ROS1: variants seen among roughly 807,000 people sequenced by gnomAD.
ROS1 encodes ROS proto-oncogene 1, receptor tyrosine kinase.
Under a neutral mutation model 273.5 loss-of-function variants are expected in ROS1, and 263 were observed. That is an observed-to-expected ratio of 0.96 (90% CI 0.87 to 1.06). ROS1 has a LOEUF of 1.06. ROS1 is among the 50% of genes least tolerant of loss of function. The probability of loss-of-function intolerance (pLI) is 0.00; values close to 1 mark genes in which losing one functional copy is unlikely to be tolerated. For missense variants in ROS1, 2,833 were observed against 2,751.1 expected, an observed-to-expected ratio of 1.03 and a Z score of -0.67; for synonymous variants, 1,008 against 954.1, an observed-to-expected ratio of 1.06 and a Z score of -1.04.
chr6:117,320,183 T>G (rs933253923), intron 36 of ROS1, among the ~76,000 whole-genome samples, 153 bp from the exon 37 acceptor site: 7 of 152,166 alleles, frequency 4.6e-5, no homozygotes, highest in South Asian at 2.1e-4. Context: ...TGTGGAACTT[T>G]GGGTTCCTAA....
At chr6:117,401,528 A>C (rs1276288228) in intron 7 of ROS1, among the ~76,000 whole-genome samples, 1 of 151,558 alleles carries the variant, frequency 6.6e-6, no homozygotes, top group East Asian at 2.0e-4. Flanking sequence ...TTTTTGTTTT[A>C]TCTTTTATTG....
chr6:117,394,449 AGAAG>A, intron 10 of ROS1, 103 bp from the exon 11 acceptor site: 2 of 855,126 alleles, frequency 2.3e-6, no homozygotes, highest in Non-Finnish European at 3.2e-6. Context: ...AAATTAAAAT[AGAAG>A]TATTTTATTT....
rs752594441 is a variant in ROS1, at chr6:117,394,044, C to A, written c.1191+118G>T. The A allele has an allele frequency of 5.1e-6, 3 of 583,932 alleles. No homozygotes were observed. In the South Asian group the frequency reaches 1.0e-4, roughly 20 times the overall value. The allele number at this position is 583,932 out of a possible 1,614,324, so 36.2% of individuals were successfully genotyped here. A position where few individuals can be genotyped will look rare whatever the true frequency, so the allele number is the denominator to read the frequency against. On this transcript the variant is annotated intron_variant, in intron 11 of 43. Coordinates refer to ENST00000368507, the MANE Select transcript of ROS1 (RefSeq NM_001378902.1). ...TTCATTGATAACCTAGTATCTAAGG[C>A]ATAGTAAATACTTGAGTATGTATTG... is the stretch of plus-strand genomic sequence containing the variant.
rs1226906628 is a variant in ROS1 at position 117,288,408 on chromosome 6, C to T, written c.*84G>A. On this transcript the variant is annotated 3_prime_UTR_variant, in exon 44 of 44. Coordinates refer to ENST00000368507, the MANE Select transcript of ROS1 (RefSeq NM_001378902.1). ...TATTTGGAGTTATAGACCACCATGA[C>T]ATTTATCATTCTAGCAGAGTTTTCT... The T allele has an allele frequency of 8.6e-7, 1 of 1,167,354 alleles. No individual in the cohort carries two copies. Among genetic ancestry groups the T allele is most frequent in the Non-Finnish European group, 1.2e-6 (1 of 817,038 alleles). 72.3% of individuals were successfully genotyped at this position (1,167,354 alleles called of 1,614,324 possible).
intron 7 of ROS1, among the ~76,000 whole-genome samples, chr6:117,399,821 T>C (rs556615889): frequency 3.8e-4 from 58 of 152,336 alleles, no homozygotes; most frequent in African/African-American, 1.3e-3. Context: ...CTTAAAATAA[T>C]ATAGTAACCT....
chr6:117,412,601 T>C (rs1775003081), intron 4 of ROS1, among the ~76,000 whole-genome samples: 1 of 101,850 alleles, frequency 9.8e-6, no homozygotes, highest in Non-Finnish European at 1.9e-5. Flanking sequence ...CATAGATAGA[T>C]AGACAGATAG....
chr6:117,417,544 G>C (rs977349500), intron 2 of ROS1, among the ~76,000 whole-genome samples: 1 of 152,114 alleles, frequency 6.6e-6, no homozygotes, highest in African/African-American at 2.4e-5. Flanking sequence ...AACTCTGTAT[G>C]TCTTTCCAAC....
intron 29 of ROS1, 29 bp downstream of exon 29, chr6:117,342,371 G>C (rs1778005324): frequency 6.2e-7 from 1 of 1,602,012 alleles, no homozygotes; most frequent in Non-Finnish European, 8.5e-7. Context: ...TATTCTGCTT[G>C]AGAAACCCAC....
intron 27 of ROS1, among the ~76,000 whole-genome samples, chr6:117,346,819 A>G (rs1162214790): frequency 6.6e-6 from 1 of 152,092 alleles, no homozygotes; most frequent in Non-Finnish European, 1.5e-5. Context: ...GTTTGGACAA[A>G]TGTGTAATGA....
At chr6:117,377,350 A>G (rs1781419518) in intron 18 of ROS1, among the ~76,000 whole-genome samples, 13 of 152,086 alleles carry the variant, frequency 8.5e-5, no homozygotes, top group Admixed American at 8.5e-4. Context: ...ACCTTAGGCT[A>G]TCCACCCATG....
intron 32 of ROS1, among the ~76,000 whole-genome samples, chr6:117,336,404 T>C (rs150097079): frequency 0.024 from 3,630 of 152,188 alleles, 95 homozygotes; most frequent in African/African-American, 0.059. Flanking sequence ...CTCCCACTTG[T>C]AAGTGAGAAC....
intron 7 of ROS1, 81 bp from the exon 8 acceptor site, chr6:117,397,197 T>G (rs1773566886): frequency 5.7e-6 from 4 of 707,298 alleles, no homozygotes; most frequent in Non-Finnish European, 8.8e-6. Context: ...AAAAGTCTTG[T>G]TTTTTTTTTT....
intron 35 of ROS1, among the ~76,000 whole-genome samples, chr6:117,321,706 C>T (rs370493541): frequency 8.3e-4 from 126 of 151,966 alleles, no homozygotes; most frequent in African/African-American, 2.8e-3. Context: ...CAAAATCACC[C>T]ATAAACGAGT....
At chr6:117,381,641 A>G (rs1441030370) in intron 17 of ROS1, among the ~76,000 whole-genome samples, 2 of 152,054 alleles carry the variant, frequency 1.3e-5, no homozygotes, top group Non-Finnish European at 2.9e-5. Flanking sequence ...CCATCCACTA[A>G]TCAGTTGATG....
At chr6:117,421,437 A>T (rs1775749361) in intron 1 of ROS1, among the ~76,000 whole-genome samples, 2 of 151,904 alleles carry the variant, frequency 1.3e-5, no homozygotes, top group South Asian at 4.1e-4. Flanking sequence ...GAGTCTCCAA[A>T]GTCCATTATA....
Position 117,425,886 on chromosome 6 carries a change from G to T in ROS1, c.-230C>A. 1 of 435,500 alleles carries T rather than the reference G, an allele frequency of 2.3e-6. No homozygotes were observed. The allele number at this position is 435,500 out of a possible 1,614,324, so 27.0% of individuals were successfully genotyped here. A position where few individuals can be genotyped will look rare whatever the true frequency, so the allele number is the denominator to read the frequency against. ...GTTCCATAAGAGCTATTTCATAACA[G>T]CTTCCTTTTACTCCCATAAAGTCAC... On this transcript the variant is annotated 5_prime_UTR_variant, in exon 1 of 44. The change creates a new upstream start codon in the 5' untranslated region. Transcript: ENST00000368507.
intron 43 of ROS1, among the ~76,000 whole-genome samples, chr6:117,296,508 T>C (rs1774252933): frequency 6.6e-6 from 1 of 152,156 alleles, no homozygotes; most frequent in African/African-American, 2.4e-5. Context: ...CAAGAATATG[T>C]ATGGAACTGG....
chr6:117,397,237 T>C, intron 7 of ROS1, 121 bp from the exon 8 acceptor site: 1 of 672,198 alleles, frequency 1.5e-6, no homozygotes, highest in Admixed American at 2.9e-5. Context: ...AATAATTTTA[T>C]TAATACTCAA....
chr6:117,357,077 G>A (rs539030880), intron 25 of ROS1, among the ~76,000 whole-genome samples, 162 bp from the exon 26 acceptor site: 1 of 152,304 alleles, frequency 6.6e-6, no homozygotes, highest in Non-Finnish European at 1.5e-5. Context: ...TGAGATGGAA[G>A]AAGTCACAAG....
Sources: allele counts gnomAD v4.1 joint callset (sites outside exome capture counted in the v4.1 genomes callset), GRCh38; gene constraint gnomAD v4.1.1; transcripts MANE v1.5; gene names NCBI Gene and HGNC (gene_info 2026-07-23, HGNC 2026-07-21).